CALN1: variants seen among roughly 807,000 people sequenced by gnomAD.
The protein encoded by CALN1 is calneuron 1, also known as calcium-binding protein 8.
Under a neutral mutation model 30.6 loss-of-function variants are expected in CALN1, and 17 were observed. The ratio of observed to expected loss-of-function variants is 0.56; its 90% CI spans 0.38 to 0.83. CALN1 has a LOEUF of 0.83. Ranked by LOEUF, CALN1 falls within the 40% of genes least tolerant of loss-of-function variation. The pLI is 0.00. For missense variants in CALN1, 291 were observed against 354.9 expected (o/e 0.82, Z 1.45); for synonymous variants, 156 against 131.4 (o/e 1.19, Z -1.28).
upstream of CALN1, among the ~76,000 whole-genome samples, chr7:72,412,828 C>G (rs1807267828): frequency 6.6e-6 from 1 of 152,268 alleles, no homozygotes; most frequent in Non-Finnish European, 1.5e-5. Context: ...TGGCCCAGCT[C>G]TCCCTGGAGA....
chr7:72,410,793 G>C (rs1349188671), intron 1 of CALN1, among the ~76,000 whole-genome samples: 1 of 151,160 alleles, frequency 6.6e-6, no homozygotes, highest in Admixed American at 6.6e-5. Flanking sequence ...CAGCTCACGA[G>C]CCAGCACCCT....
At chr7:72,319,407 CA>C (rs1210192365) in intron 2 of CALN1, among the ~76,000 whole-genome samples, 1 of 152,190 alleles carries the variant, frequency 6.6e-6, no homozygotes, top group Admixed American at 6.5e-5. Flanking sequence ...CAAGAGACCT[CA>C]TGAGACTTAT....
Position 71,780,319 on chromosome 7 carries a change from T to C in CALN1, c.*7456A>G, listed in dbSNP as rs1487432800. The C allele has an allele frequency of 2.6e-5, 4 of 152,220 alleles. No individual in the cohort carries two copies. The allele number at this position is 152,220 out of a possible 1,614,324, so 9.4% of individuals were successfully genotyped here. Reference sequence around the variant, plus strand: ...GATCCTTTCTTGGCCAATCTAGGTCTTTCCCAGGGAGAACAACAGGGCTTG... The same window carrying C: ...GATCCTTTCTTGGCCAATCTAGGTCCTTCCCAGGGAGAACAACAGGGCTTG... On this transcript the variant is annotated 3_prime_UTR_variant, in exon 7 of 7. Transcript: ENST00000395275.
rs1491251212 is a variant in CALN1, at chr7:71,847,802, GAA to G, written c.502-37312_502-37311del. Among the ~76,000 whole-genome samples, 193 of 128,988 alleles carry G rather than the reference GAA, an allele frequency of 1.5e-3. 1 individual carries two copies. Among genetic ancestry groups the G allele is most frequent in the Admixed American group, 5.4e-3 (65 of 12,106 alleles). The allele number at this position is 128,988 out of a possible 152,430, so 84.6% of individuals were successfully genotyped here. On this transcript the variant is annotated intron_variant, in intron 5 of 6. Transcript: ENST00000395275. ...AAGAAGAAGAAGAAGAAGAAAAGAA[GAA>G]AAGAAGGAGAAGGAGAAGGAGAAGG...
chr7:71,849,635 T>C (rs1015194513), intron 5 of CALN1, among the ~76,000 whole-genome samples: 1 of 152,152 alleles, frequency 6.6e-6, no homozygotes, highest in Non-Finnish European at 1.5e-5. Context: ...AGGTCTTCTA[T>C]ATTATTAGAG....
rs542959561 is a variant in CALN1 at position 72,143,463 on chromosome 7, T to C, written c.245-37169A>G. Among the ~76,000 whole-genome samples the C allele has an allele frequency of 8.0e-4, 121 of 152,170 alleles. 1 individual carries two copies. Among genetic ancestry groups the C allele is most frequent in the African/African-American group, 2.6e-3 (110 of 41,528 alleles). ...AGAAATGAACAAAGCCTCCAAAAAA[T>C]ATGGGACTATGTGAAAAGACCAAAT... On this transcript the variant is annotated intron_variant, in intron 3 of 6. Coordinates refer to ENST00000395275, the MANE Select transcript of CALN1 (RefSeq NM_031468.4).
chr7:72,099,939 T>C (rs1363884303), intron 4 of CALN1, among the ~76,000 whole-genome samples: 1 of 152,140 alleles, frequency 6.6e-6, no homozygotes, highest in Non-Finnish European at 1.5e-5. Context: ...GTGAAACTTG[T>C]AGTCTCTTAA....
At chr7:71,976,678 G>A (rs1161743448) in intron 5 of CALN1, among the ~76,000 whole-genome samples, 7 of 152,168 alleles carry the variant, frequency 4.6e-5, no homozygotes, top group Admixed American at 6.5e-5. Context: ...AGAGTTAAAA[G>A]AAACCAAAAG....
intron 3 of CALN1, among the ~76,000 whole-genome samples, chr7:72,262,148 C>T (rs13226587): frequency 0.2 from 30,796 of 152,154 alleles, 4,077 homozygotes; most frequent in Middle Eastern, 0.32. Context: ...TCAGCCTCCC[C>T]ATGTCCCATC....
At chr7:72,481,046 G>T in the CALN1 span, among the ~76,000 whole-genome samples, 5 of 152,022 alleles carry the variant, frequency 3.3e-5, no homozygotes, top group Admixed American at 6.6e-5. Context: ...TCCGCTTCCC[G>T]GGTTCAAGCG....
At chr7:72,278,342 G>GACAATTCCATTGGT (rs1263516545) in intron 3 of CALN1, among the ~76,000 whole-genome samples, 1 of 152,102 alleles carries the variant, frequency 6.6e-6, no homozygotes, top group African/African-American at 2.4e-5. Context: ...ACAGAAACAA[G>GACAATTCCATTGGT]ACAATTCCAT....
intron 5 of CALN1, among the ~76,000 whole-genome samples, chr7:71,998,345 T>C (rs1799354450): frequency 6.6e-6 from 1 of 152,132 alleles, no homozygotes; most frequent in Admixed American, 6.5e-5. Flanking sequence ...TCTGGGTACA[T>C]ACAATAGACT....
chr7:71,910,269 T>C (rs772357021), intron 5 of CALN1, among the ~76,000 whole-genome samples: 30 of 152,306 alleles, frequency 2.0e-4, no homozygotes, highest in Admixed American at 2.6e-4. Context: ...GGGAAAGATA[T>C]GGAGAACCAC....
At chr7:71,993,647 G>T (rs1470874067) in intron 5 of CALN1, among the ~76,000 whole-genome samples, 2 of 151,998 alleles carry the variant, frequency 1.3e-5, no homozygotes, top group Non-Finnish European at 2.9e-5. Context: ...AGTAGAGATG[G>T]TGTTTCACCA....
At chr7:72,307,417 C>T (rs1014934604) in intron 2 of CALN1, among the ~76,000 whole-genome samples, 3 of 152,138 alleles carry the variant, frequency 2.0e-5, no homozygotes, top group Non-Finnish European at 2.9e-5. Flanking sequence ...GCACACCCTA[C>T]GAAGGCTGAA....
chr7:72,472,642 C>T, the CALN1 span, among the ~76,000 whole-genome samples: 3 of 152,152 alleles, frequency 2.0e-5, no homozygotes, highest in South Asian at 2.1e-4. Flanking sequence ...ATTAGCTGGG[C>T]GTGGTGGCGG....
At chr7:72,286,189 C>G (rs1457744899) in intron 2 of CALN1, among the ~76,000 whole-genome samples, 1 of 151,848 alleles carries the variant, frequency 6.6e-6, no homozygotes, top group Non-Finnish European at 1.5e-5. Flanking sequence ...GTTTCAGGGA[C>G]TTAGGGATGA....
intron 5 of CALN1, among the ~76,000 whole-genome samples, chr7:71,903,276 G>A (rs1466522235): frequency 2.0e-5 from 3 of 151,966 alleles, no homozygotes; most frequent in Non-Finnish European, 2.9e-5. Flanking sequence ...AAAGTTGCAG[G>A]CATCACATTA....
chr7:71,896,297 A>G (rs148932666), intron 5 of CALN1, among the ~76,000 whole-genome samples: 1 of 152,172 alleles, frequency 6.6e-6, no homozygotes, highest in African/African-American at 2.4e-5. Context: ...AAACTCGACA[A>G]TTGAGGGCTG....
Sources: gnomAD v4.1 joint callset for allele counts (sites outside exome capture counted in the v4.1 genomes callset) on GRCh38, gnomAD v4.1.1 for gene constraint, MANE v1.5 for transcripts, NCBI Gene and HGNC (gene_info 2026-07-23, HGNC 2026-07-21) for gene names.